Variants in KCTD3 observed in about 807,000 individuals in gnomAD.
The protein encoded by KCTD3 is potassium channel tetramerization domain containing 3, also known as BTB/POZ domain-containing protein KCTD3.
KCTD3 carries 41 observed loss-of-function variants against 85.8 expected under a neutral mutation model. The ratio of observed to expected loss-of-function variants is 0.48; its 90% confidence interval spans 0.37 to 0.62. The LOEUF (loss-of-function observed/expected upper bound fraction) is 0.62. Ranked by LOEUF, KCTD3 falls within the 20% of genes least tolerant of loss-of-function variation. The pLI is 0.00. For missense variants in KCTD3, 724 were observed against 989.9 expected (o/e 0.73, Z 3.60); for synonymous variants, 338 against 345.4 (o/e 0.98, Z 0.24).
chr1:215,578,995 T>C lies in KCTD3; in HGVS notation c.398-5T>C, dbSNP rs371972516. 38 of 1,538,756 alleles carry C rather than the reference T, an allele frequency of 2.5e-5. No homozygotes were observed. The African/African-American group carries it at 5.4e-4, about 22-fold the overall frequency. On this transcript the variant is annotated splice_polypyrimidine_tract_variant and splice_region_variant and intron_variant, in intron 6 of 17. Coordinates refer to ENST00000259154, the MANE Select transcript of KCTD3 (RefSeq NM_016121.5). ...AATGTATTTGTTTTCTTCTTCTCTTTATAGGTATTCCTAGTCGTAAAATAA... is the reference window on the plus strand; with the variant it reads ...AATGTATTTGTTTTCTTCTTCTCTTCATAGGTATTCCTAGTCGTAAAATAA...
chr1:215,595,720 G>A (rs1285995709), intron 10 of KCTD3, among the ~76,000 whole-genome samples: 1 of 152,158 alleles, frequency 6.6e-6, no homozygotes, highest in Non-Finnish European at 1.5e-5. Flanking sequence ...AATGTTCGAA[G>A]TTCTATGCCT....
intron 14 of KCTD3, among the ~76,000 whole-genome samples, chr1:215,608,428 T>C (rs1280279730): frequency 1.3e-5 from 2 of 151,702 alleles, no homozygotes; most frequent in Non-Finnish European, 2.9e-5. Flanking sequence ...AAGAATGTCA[T>C]CTTCACATGT....
chr1:215,609,242 C>A (rs1307205877), intron 14 of KCTD3, among the ~76,000 whole-genome samples: 1 of 151,916 alleles, frequency 6.6e-6, no homozygotes, highest in African/African-American at 2.4e-5. Flanking sequence ...TGAACTGATA[C>A]ATGAAGGATA....
At chr1:215,614,725 CTG>C (rs1220791850) in intron 15 of KCTD3, among the ~76,000 whole-genome samples, 2 of 152,108 alleles carry the variant, frequency 1.3e-5, no homozygotes, top group Non-Finnish European at 2.9e-5. Context: ...TTGGCAGAGA[CTG>C]TGGGGTTTTC....
At chr1:215,575,844 A>G (rs566311632) in intron 3 of KCTD3, 57 bp from the exon 4 acceptor site, 2 of 965,506 alleles carry the variant, frequency 2.1e-6, no homozygotes, top group East Asian at 2.7e-5. Flanking sequence ...TGTTACAGAT[A>G]TTAAAGTTAA....
At chr1:215,606,994 C>T (rs775869097) in intron 13 of KCTD3, among the ~76,000 whole-genome samples, 27 of 151,812 alleles carry the variant, frequency 1.8e-4, no homozygotes, top group Non-Finnish European at 2.7e-4. Context: ...AACAAAATGT[C>T]CCCTTTTCAC....
intron 11 of KCTD3, 22 bp from the exon 12 acceptor site, chr1:215,602,063 G>A: frequency 4.7e-6 from 7 of 1,474,464 alleles, no homozygotes; most frequent in Non-Finnish European, 2.8e-6. Flanking sequence ...TTTTAATGCT[G>A]TTTAAAATTT....
At chr1:215,575,878 T>C (rs778683334) in intron 3 of KCTD3, 23 bp from the exon 4 acceptor site, 1 of 1,353,924 alleles carries the variant, frequency 7.4e-7, no homozygotes, top group Non-Finnish European at 1.0e-6. Flanking sequence ...AATTTGAAAA[T>C]AAAACTGTTC....
At chr1:215,590,403 A>T (rs1299151051) in intron 9 of KCTD3, among the ~76,000 whole-genome samples, 3 of 152,170 alleles carry the variant, frequency 2.0e-5, no homozygotes, top group African/African-American at 7.2e-5. Context: ...TGGTTGACAC[A>T]GTTGAGGGAG....
Position 215,594,058 on chromosome 1 carries a change from G to A in KCTD3, c.818-1298G>A, listed in dbSNP as rs149827340. Among the ~76,000 whole-genome samples, 1,309 of 151,932 alleles carry A rather than the reference G, an allele frequency of 8.6e-3. 25 individuals are homozygous for A. Among genetic ancestry groups the A allele is most frequent in the African/African-American group, 0.03 (1,240 of 41,480 alleles). ...TATTTTTAGTAGAGATGGGGTTTCA[G>A]TGTGTTGCCCAGGCTGGTCTTGAAC... On this transcript the variant is annotated intron_variant, in intron 9 of 17. Transcript: ENST00000259154.
intron 1 of KCTD3, among the ~76,000 whole-genome samples, chr1:215,571,529 A>AAT (rs1281426921): frequency 2.0e-5 from 3 of 152,228 alleles, no homozygotes; most frequent in African/African-American, 7.2e-5. Context: ...AAATGTCTTT[A>AAT]ATAAATGAAT....
At chr1:215,585,052 G>C (rs924667810) in intron 8 of KCTD3, among the ~76,000 whole-genome samples, 1 of 152,088 alleles carries the variant, frequency 6.6e-6, no homozygotes, top group African/African-American at 2.4e-5. Context: ...TGGTTTCCCA[G>C]GAAGATGTTA....
rs537455688 is a variant in KCTD3 at position 215,601,288 on chromosome 1, A to G, written c.934-579A>G. ...TTTTTTATTCCTATACTTTAAAAAA[A>G]TAAATACAAATGAGACTTTGTTTCC... On this transcript the variant is annotated intron_variant, in intron 10 of 17. Coordinates refer to ENST00000259154, the MANE Select transcript of KCTD3 (RefSeq NM_016121.5). Among the ~76,000 whole-genome samples the G allele has an allele frequency of 2.6e-5, 4 of 152,374 alleles. No homozygotes were observed. The East Asian group carries it at 5.8e-4, about 22-fold the overall frequency.
intron 9 of KCTD3, among the ~76,000 whole-genome samples, chr1:215,588,258 G>T (rs144537042): frequency 5.1e-4 from 78 of 152,046 alleles, no homozygotes; most frequent in Non-Finnish European, 9.4e-4. Flanking sequence ...GCTTTTCCTT[G>T]ACATAGCCAT....
chr1:215,573,794 C>A lies in KCTD3; in HGVS notation c.92C>A (p.Thr31Asn). ...QLNVGGTRFS[T>N]SRQTLMWIPD... Reference sequence around the variant, plus strand: ...ATGATTTTTAATTGCAGATTTAGTACCTCAAGACAAACTCTTATGTGGATT... The same window carrying A: ...ATGATTTTTAATTGCAGATTTAGTAACTCAAGACAAACTCTTATGTGGATT... The change falls in exon 2 of 18, where the codon ACC (threonine) becomes AAC (asparagine). Residue 31 changes from threonine (T) to asparagine (N), a missense_variant. By Grantham distance (65) the Thr-to-Asn change is moderately conservative. This residue lies in a region of KCTD3 where 97 missense variants were observed against 115.7 expected (regional missense o/e 0.84). Coordinates refer to ENST00000259154, the MANE Select transcript of KCTD3 (RefSeq NM_016121.5). 1.3e-6 allele frequency: 2 copies of A among 1,572,622 alleles called. No homozygotes were observed. The highest frequency in any genetic ancestry group is 1.7e-6 in the Non-Finnish European group (2 of 1,148,968).
At chr1:215,600,973 T>C (rs1473859517) in intron 10 of KCTD3, among the ~76,000 whole-genome samples, 1 of 152,082 alleles carries the variant, frequency 6.6e-6, no homozygotes, top group African/African-American at 2.4e-5. Flanking sequence ...AGTCTCACTC[T>C]GTTGCCCAGG....
intron 11 of KCTD3, 60 bp from the exon 12 acceptor site, chr1:215,602,025 T>A: frequency 2.8e-6 from 4 of 1,412,400 alleles, no homozygotes; most frequent in Non-Finnish European, 4.0e-6. Context: ...AAACATTACC[T>A]TTCAGTTTTA....
intron 10 of KCTD3, among the ~76,000 whole-genome samples, chr1:215,598,380 C>T (rs568871526): frequency 6.6e-6 from 1 of 152,182 alleles, no homozygotes; most frequent in East Asian, 1.9e-4. Flanking sequence ...CAAAGACTTG[C>T]CTTTGTTCTA....
At chr1:215,609,807 T>G (rs915768395) in intron 14 of KCTD3, among the ~76,000 whole-genome samples, 7 of 151,932 alleles carry the variant, frequency 4.6e-5, no homozygotes, top group Non-Finnish European at 1.0e-4. Flanking sequence ...CTTGTATATT[T>G]TGAGTGATGA....
Sources: gnomAD v4.1 joint callset for allele counts (sites outside exome capture counted in the v4.1 genomes callset) on GRCh38, gnomAD v4.1.1 for gene constraint, gnomAD v4.1.1 regional missense constraint, MANE v1.5 for transcripts, NCBI Gene and HGNC (gene_info 2026-07-23, HGNC 2026-07-21) for gene names.